The following AFAP1L2 variants were observed in gnomAD, a reference collection of about 807,000 sequenced individuals.
AFAP1L2 encodes actin filament-associated protein 1-like 2.
A neutral mutation model predicts 99.3 loss-of-function variants in AFAP1L2; 46 were observed. The observed-to-expected ratio is 0.46, with a 90% CI of 0.37 to 0.59. The LOEUF (loss-of-function observed/expected upper bound fraction) is 0.59, where lower values mean the gene tolerates loss of function less well. Ranked by LOEUF, AFAP1L2 falls within the 20% of genes least tolerant of loss-of-function variation. AFAP1L2 has a pLI of 0.00. For synonymous variants in AFAP1L2, 397 were observed against 419.1 expected (o/e 0.95, Z 0.64); for missense variants, 959 against 1,034.9 (o/e 0.93, Z 1.01).
Position 114,295,398 on chromosome 10 carries a change from G to GTCTT in AFAP1L2, c.*640_*643dup, listed in dbSNP as rs1447513860. 1 of 985,626 alleles carries GTCTT rather than the reference G, an allele frequency of 1.0e-6. No individual in the cohort carries two copies. The highest frequency in any genetic ancestry group is 1.2e-6 in the Non-Finnish European group (1 of 829,876). The allele number at this position is 985,626 out of a possible 1,614,324, so 61.1% of individuals were successfully genotyped here. ...CAGGCCTGCCTTGGACTGGAAAGAA[G>GTCTT]TCTTTAACTTAGTGGGATTAGTGCT... On this transcript the variant is annotated 3_prime_UTR_variant, in exon 19 of 19. Coordinates refer to ENST00000304129, the MANE Select transcript of AFAP1L2 (RefSeq NM_001001936.3).
chr10:114,353,625 A>G (rs563688753), intron 1 of AFAP1L2, among the ~76,000 whole-genome samples: 2 of 152,314 alleles, frequency 1.3e-5, no homozygotes, highest in Admixed American at 6.5e-5. Context: ...AGTTTATTCC[A>G]TTGCTCTGAG....
At chr10:114,296,272 C>T (rs1373591348) in intron 18 of AFAP1L2, 1 of 625,796 alleles carries the variant, frequency 1.6e-6, no homozygotes, top group Non-Finnish European at 2.8e-6. Flanking sequence ...CAGCGAGTGC[C>T]TATAAGTGAT....
At chr10:114,312,015 G>A (rs943974340) in intron 7 of AFAP1L2, among the ~76,000 whole-genome samples, 37 of 152,172 alleles carry the variant, frequency 2.4e-4, no homozygotes, top group Admixed American at 2.2e-3. Flanking sequence ...CTCTGCACTT[G>A]TCTGAGCTGG....
intron 1 of AFAP1L2, among the ~76,000 whole-genome samples, chr10:114,392,841 A>C (rs1029074388): frequency 1.3e-4 from 20 of 152,196 alleles, no homozygotes; most frequent in Non-Finnish European, 2.6e-4. Flanking sequence ...TCTCCACTCC[A>C]ATAGAACAAG....
chr10:114,382,426 A>G (rs1200736467), intron 1 of AFAP1L2, among the ~76,000 whole-genome samples: 2 of 152,098 alleles, frequency 1.3e-5, no homozygotes, highest in Non-Finnish European at 2.9e-5. Context: ...GGACATAGAG[A>G]ATAGAGTGAC....
intron 1 of AFAP1L2, among the ~76,000 whole-genome samples, chr10:114,352,275 C>A (rs2050626631): frequency 6.6e-6 from 1 of 151,900 alleles, no homozygotes; most frequent in Non-Finnish European, 1.5e-5. Flanking sequence ...ACTTTTGAGA[C>A]CAGCCTGGCC....
rs758373929 is a variant in AFAP1L2 at position 114,315,629 on chromosome 10, G to A, written c.543C>T (p.Phe181=). 9 of 1,614,102 alleles carry A rather than the reference G, an allele frequency of 5.6e-6. No homozygotes were observed. The highest frequency in any genetic ancestry group is 7.6e-6 in the Non-Finnish European group (9 of 1,180,024). Residue 181 remains phenylalanine, a synonymous_variant, in exon 6 of 19, where the codon TTC becomes TTT. Transcript: ENST00000304129. ...GTCCCAGCCACTTCTTGCGCCACAGGAAGGCGCAGATGCGGGCGTCACGCA... is the reference window on the plus strand; with the variant it reads ...GTCCCAGCCACTTCTTGCGCCACAGAAAGGCGCAGATGCGGGCGTCACGCA... ...ELMRDARICA[F]LWRKKWLGQW... is the part of the protein sequence containing the mutation.
downstream of AFAP1L2, among the ~76,000 whole-genome samples, chr10:114,292,964 C>T (rs1041662009): frequency 1.3e-5 from 2 of 152,178 alleles, no homozygotes; most frequent in African/African-American, 2.4e-5. Context: ...GCCTTGGCCT[C>T]CCAAAGTTCT....
chr10:114,364,250 C>T (rs2052877249), intron 1 of AFAP1L2, among the ~76,000 whole-genome samples: 1 of 152,108 alleles, frequency 6.6e-6, no homozygotes, highest in African/African-American at 2.4e-5. Flanking sequence ...GGGCCAAGAT[C>T]CTGGGGGCCT....
At chr10:114,282,999 C>T in the AFAP1L2 span, among the ~76,000 whole-genome samples, 1 of 152,176 alleles carries the variant, frequency 6.6e-6, no homozygotes, top group Non-Finnish European at 1.5e-5. Context: ...AGTGAAGATT[C>T]AGTAGATAAT....
At chr10:114,312,809 G>A (rs564885439) in intron 7 of AFAP1L2, among the ~76,000 whole-genome samples, 279 of 152,290 alleles carry the variant, frequency 1.8e-3, no homozygotes, top group Non-Finnish European at 3.4e-3. Flanking sequence ...TTCACCACTT[G>A]AAGATTTTGC....
downstream of AFAP1L2, among the ~76,000 whole-genome samples, chr10:114,294,580 G>A (rs2039902223): frequency 6.6e-6 from 1 of 152,178 alleles, no homozygotes; most frequent in Non-Finnish European, 1.5e-5. Context: ...ACTTCTGGGA[G>A]GAGTACTGAT....
chr10:114,357,779 G>A (rs992926293), intron 1 of AFAP1L2, among the ~76,000 whole-genome samples: 3 of 152,226 alleles, frequency 2.0e-5, no homozygotes, highest in Non-Finnish European at 4.4e-5. Flanking sequence ...AAAAGGAAAT[G>A]TTTCTTAGAA....
At chr10:114,316,277 C>T (rs117951600) in intron 5 of AFAP1L2, among the ~76,000 whole-genome samples, 1,594 of 152,344 alleles carry the variant, frequency 0.01, 19 homozygotes, top group South Asian at 0.035. Context: ...CTCTGATGGC[C>T]GCTGGCCTGG....
At chr10:114,330,098 G>A (rs1416083257) in intron 4 of AFAP1L2, among the ~76,000 whole-genome samples, 3 of 152,158 alleles carry the variant, frequency 2.0e-5, no homozygotes, top group African/African-American at 7.2e-5. Context: ...TCCACCAGCT[G>A]TCACCCAGCT....
chr10:114,353,084 C>T (rs898689037), intron 1 of AFAP1L2, among the ~76,000 whole-genome samples: 13 of 152,170 alleles, frequency 8.5e-5, no homozygotes, highest in South Asian at 2.1e-4. Context: ...TTTCATTCCC[C>T]AGCCACAATG....
chr10:114,393,568 A>C (rs1012816165), intron 1 of AFAP1L2: 3 of 152,220 alleles, frequency 2.0e-5, no homozygotes, highest in Non-Finnish European at 2.9e-5. Flanking sequence ...TCGTGAGTAG[A>C]GACCTGGAGG....
At chr10:114,325,629 G>A (rs2046151087) in intron 4 of AFAP1L2, among the ~76,000 whole-genome samples, 1 of 152,240 alleles carries the variant, frequency 6.6e-6, no homozygotes, top group African/African-American at 2.4e-5. Context: ...AAGGGAGCCA[G>A]GTTGCACACC....
Position 114,315,785 on chromosome 10 carries a change from G to A in AFAP1L2, c.407-20C>T, listed in dbSNP as rs374431986. 1.2e-4 allele frequency: 185 copies of A among 1,596,400 alleles called. No homozygotes were observed. Among genetic ancestry groups the A allele is most frequent in the Non-Finnish European group, 1.5e-4 (172 of 1,170,986 alleles). ...CGTCCTCTGCAAGGAAGACCAGCTC[G>A]GTCAGGGCCCCATGGGGCAGGGGAC... On this transcript the variant is annotated intron_variant, in intron 5 of 18. Transcript: ENST00000304129.
Sources: gnomAD v4.1 joint callset for allele counts (sites outside exome capture counted in the v4.1 genomes callset) on GRCh38, gnomAD v4.1.1 for gene constraint, MANE v1.5 for transcripts, NCBI Gene and HGNC (gene_info 2026-07-23, HGNC 2026-07-21) for gene names.